ZFX: variants seen among roughly 807,000 people sequenced by gnomAD.
The protein encoded by ZFX is zinc finger X-chromosomal protein.
For missense variants in ZFX, 362 were observed against 628.3 expected (o/e 0.58, Z 4.53); for synonymous variants, 196 against 226.8 (o/e 0.86, Z 1.22).
intron 5 of ZFX, among the ~76,000 whole-genome samples, chrX:24,186,618 A>G (rs2704828): frequency 0.22 from 24,718 of 110,034 alleles, 2,407 homozygotes; most frequent in South Asian, 0.33. Flanking sequence ...ACGAGACCCC[A>G]TCTCTTAAAA....
chrX:24,151,423 TTAGGTA>T (rs1332890311), intron 1 of ZFX: 1 of 111,679 alleles, frequency 9.0e-6, no homozygotes, highest in East Asian at 2.8e-4. Flanking sequence ...TAGGACTTTG[TTAGGTA>T]GAGGTGGAGG....
chrX:24,202,079 C>G, intron 5 of ZFX, among the ~76,000 whole-genome samples: 1 of 112,036 alleles, frequency 8.9e-6, no homozygotes, highest in Non-Finnish European at 1.9e-5. Context: ...ATCACCTTCC[C>G]TGCTTCCCTA....
intron 5 of ZFX, among the ~76,000 whole-genome samples, chrX:24,191,701 A>AT (rs1219988274): frequency 0.012 from 1,245 of 102,067 alleles, 28 homozygotes; most frequent in African/African-American, 0.041. Context: ...TCTTCATTGG[A>AT]TTTTTTTTTT....
chrX:24,179,709 G>C lies in ZFX; in HGVS notation c.585G>C (p.Gly195=). The change falls in exon 5 of 10, where the codon GGG becomes GGC. Residue 195 remains glycine (G), a synonymous_variant. Transcript: ENST00000304543. ...CASEAVIDAN[G]IPVDQQDDDK... ...CTGAAGCAGTCATAGATGCCAATGG[G>C]ATCCCTGTGGACCAGCAGGATGATG... 8.3e-7 allele frequency: 1 copy of C among 1,211,106 alleles called. No homozygotes were observed. The highest frequency in any genetic ancestry group is 1.1e-6 in the Non-Finnish European group (1 of 895,554).
At chrX:24,206,393 TCTCA>T (rs202006514) in intron 5 of ZFX, among the ~76,000 whole-genome samples, 2,181 of 110,919 alleles carry the variant, frequency 0.02, 54 homozygotes, top group African/African-American at 0.068. Flanking sequence ...TGAGACAGGG[TCTCA>T]CTCTGTAACC....
At chrX:24,164,344 G>A (rs1415016054) in intron 3 of ZFX, among the ~76,000 whole-genome samples, 8 of 111,715 alleles carry the variant, frequency 7.2e-5, no homozygotes, top group Non-Finnish European at 1.5e-4. Flanking sequence ...AAAGATCAAT[G>A]TAAAAATACC....
chrX:24,195,203 A>AT (rs1368005126), intron 5 of ZFX, among the ~76,000 whole-genome samples: 7 of 107,855 alleles, frequency 6.5e-5, no homozygotes, highest in South Asian at 4.0e-4. Flanking sequence ...CGCTTTCTTG[A>AT]TTTTTTTTTG....
intron 3 of ZFX, among the ~76,000 whole-genome samples, chrX:24,167,275 A>G (rs775452352): frequency 2.7e-5 from 3 of 111,732 alleles, no homozygotes; most frequent in East Asian, 2.8e-4. Context: ...TTTCTCGCCT[A>G]TGGACTCATT....
intron 3 of ZFX, among the ~76,000 whole-genome samples, chrX:24,160,756 A>G (rs967491645): frequency 3.6e-5 from 4 of 111,787 alleles, no homozygotes; most frequent in African/African-American, 1.3e-4. Flanking sequence ...AAAATACATA[A>G]TGAATTATTT....
At chrX:24,187,323 GTCTC>G (rs1431465792) in intron 5 of ZFX, among the ~76,000 whole-genome samples, 1 of 111,165 alleles carries the variant, frequency 9.0e-6, no homozygotes. Context: ...CTCTCTCTGT[GTCTC>G]TCTCTCTGTG....
chrX:24,207,613 A>C lies in ZFX; in HGVS notation c.797-99A>C, dbSNP rs1005683506. On this transcript the variant is annotated intron_variant, in intron 6 of 9. Transcript: ENST00000304543. ...TAAGAATTCCGGTGTAGTAATACCAAAGTTTGTAAAAAGTAATAAGAAAAT... is the reference window on the plus strand; with the variant it reads ...TAAGAATTCCGGTGTAGTAATACCACAGTTTGTAAAAAGTAATAAGAAAAT... 9.7e-6 allele frequency: 11 copies of C among 1,129,744 alleles called. No individual in the cohort carries two copies. In the African/African-American group the frequency reaches 2.0e-4, roughly 21 times the overall value. 93.1% of individuals were successfully genotyped at this position (1,129,744 alleles called of 1,213,427 possible).
intron 5 of ZFX, among the ~76,000 whole-genome samples, chrX:24,185,926 CCT>C (rs1370381070): frequency 4.6e-5 from 5 of 107,626 alleles, no homozygotes; most frequent in Admixed American, 4.0e-4. Flanking sequence ...AGAATGAGAC[CCT>C]GTTTCTTAAA....
chrX:24,174,311 G>T (rs1189086098), intron 4 of ZFX, among the ~76,000 whole-genome samples: 1 of 111,360 alleles, frequency 9.0e-6, no homozygotes, highest in African/African-American at 3.3e-5. Flanking sequence ...TTTTCCATTG[G>T]ACTGTAAATG....
chrX:24,163,812 G>A (rs1442896989), intron 3 of ZFX, among the ~76,000 whole-genome samples: 1 of 92,092 alleles, frequency 1.1e-5, no homozygotes, highest in African/African-American at 4.2e-5. Context: ...GTGAGCCACT[G>A]TGCCCAGGCC....
Position 24,212,324 on chromosome X carries a change from C to G in ZFX, c.*948C>G, listed in dbSNP as rs1938148835. ...ACCCCAAGTAGTAGTTGTTTAAAAT[C>G]TATAATGAAAAGTATTAAATTTACA... On this transcript the variant is annotated 3_prime_UTR_variant, in exon 10 of 10. Coordinates refer to ENST00000304543, the MANE Select transcript of ZFX (RefSeq NM_003410.4). 1 of 111,614 alleles carries G rather than the reference C, an allele frequency of 9.0e-6. No homozygotes were observed. The highest frequency in any genetic ancestry group is 9.6e-5 in the Admixed American group (1 of 10,432). 9.2% of individuals were successfully genotyped at this position (111,614 alleles called of 1,213,427 possible).
intron 5 of ZFX, among the ~76,000 whole-genome samples, chrX:24,203,798 A>G (rs1346925474): frequency 6.3e-5 from 7 of 111,783 alleles, no homozygotes; most frequent in Admixed American, 5.7e-4. Context: ...TGAGTGAGGT[A>G]TCTTTCCTTT....
chrX:24,206,548 TG>T (rs375392257), intron 5 of ZFX, among the ~76,000 whole-genome samples: 4 of 84,709 alleles, frequency 4.7e-5, no homozygotes, highest in Non-Finnish European at 6.7e-5. Flanking sequence ...TGTGTGTGTG[TG>T]TATTTTTTTT....
At chrX:24,198,507 G>T (rs781656375) in intron 5 of ZFX, among the ~76,000 whole-genome samples, 51 of 106,432 alleles carry the variant, frequency 4.8e-4, no homozygotes, top group Middle Eastern at 4.8e-3. Flanking sequence ...TTTTTAGAGG[G>T]TTAAGAACTA....
intron 4 of ZFX, among the ~76,000 whole-genome samples, chrX:24,174,396 A>AT (rs199790697): frequency 0.32 from 30,290 of 94,451 alleles, 4,333 homozygotes; most frequent in South Asian, 0.6. Context: ...TTAAATTAAA[A>AT]TTTTTTTTTT....
Sources: gnomAD v4.1 joint callset for allele counts (sites outside exome capture counted in the v4.1 genomes callset) on GRCh38, gnomAD v4.1.1 for gene constraint, MANE v1.5 for transcripts, NCBI Gene and HGNC (gene_info 2026-07-23, HGNC 2026-07-21) for gene names.